The following TTBK2 variants were observed in gnomAD, a reference collection of about 807,000 sequenced individuals.
The protein encoded by TTBK2 is tau tubulin kinase 2.
TTBK2 carries 28 observed loss-of-function variants against 110.8 expected under a neutral mutation model. The ratio of observed to expected loss-of-function variants is 0.25; its 90% CI spans 0.19 to 0.35. TTBK2 has a LOEUF of 0.35. Among genes scored for constraint, TTBK2 ranks in the 10% least tolerant of loss-of-function variants. The probability of loss-of-function intolerance (pLI) is 1.00; values close to 1 mark genes in which losing one functional copy is unlikely to be tolerated. For missense variants in TTBK2, 1,369 were observed against 1,500.3 expected, an observed-to-expected ratio of 0.91 and a Z score of 1.45; for synonymous variants, 532 against 527.3, an observed-to-expected ratio of 1.01 and a Z score of -0.12.
At position 42,743,965 on chromosome 15, in the gene TTBK2, A is replaced by T. The variant is rs928616607; in HGVS notation, c.*1830T>A. The stretch of plus-strand genomic sequence containing the variant: ...GAATGACAAAGAATGACTCTATATA[A>T]GGATATGTCTCTCTATATATTTATA... On this transcript the variant is annotated 3_prime_UTR_variant, in exon 15 of 15. Coordinates refer to ENST00000267890, the MANE Select transcript of TTBK2 (RefSeq NM_173500.4). The T allele has an allele frequency of 6.7e-6, 1 of 148,974 alleles. No homozygotes were observed. The highest frequency in any genetic ancestry group is 1.5e-5 in the Non-Finnish European group (1 of 66,092). The allele number at this position is 148,974 out of a possible 1,614,324, so 9.2% of individuals were successfully genotyped here.
At chr15:42,771,094 C>T (rs1889650716) in intron 13 of TTBK2, among the ~76,000 whole-genome samples, 2 of 151,998 alleles carry the variant, frequency 1.3e-5, no homozygotes, top group Non-Finnish European at 2.9e-5. Context: ...TCTGCCTCAG[C>T]CTCCGGAGTA....
chr15:42,912,535 C>T (rs1176972456), intron 1 of TTBK2, among the ~76,000 whole-genome samples: 3 of 151,814 alleles, frequency 2.0e-5, no homozygotes, highest in Admixed American at 1.3e-4. Context: ...ATGATGAAAC[C>T]CCATCTCTAC....
At chr15:42,846,934 A>G (rs1208279134) in intron 3 of TTBK2, among the ~76,000 whole-genome samples, 1 of 152,196 alleles carries the variant, frequency 6.6e-6, no homozygotes, top group African/African-American at 2.4e-5. Context: ...CAGAGAGGGC[A>G]CAGAAGCTCC....
chr15:42,777,962 T>A (rs1209795801), intron 11 of TTBK2, among the ~76,000 whole-genome samples: 1 of 151,884 alleles, frequency 6.6e-6, no homozygotes, highest in Non-Finnish European at 1.5e-5. Flanking sequence ...TGAAGGAAAG[T>A]TTCCCCAAAC....
At chr15:42,881,246 GC>G (rs1895030412) in intron 1 of TTBK2, among the ~76,000 whole-genome samples, 1 of 124,214 alleles carries the variant, frequency 8.1e-6, no homozygotes, top group African/African-American at 3.2e-5. Flanking sequence ...TTGTGCCACT[GC>G]ACTCCAGCCT....
intron 6 of TTBK2, among the ~76,000 whole-genome samples, chr15:42,817,971 T>G (rs551259158): frequency 6.6e-6 from 1 of 152,332 alleles, no homozygotes; most frequent in African/African-American, 2.4e-5. Flanking sequence ...CCATCTGTGG[T>G]GCCACTCTAT....
chr15:42,754,372 T>C (rs780247719), intron 13 of TTBK2, among the ~76,000 whole-genome samples: 4 of 151,936 alleles, frequency 2.6e-5, no homozygotes, highest in Admixed American at 6.6e-5. Flanking sequence ...TAAGCCACCA[T>C]ACCTGGCCAA....
chr15:42,765,574 A>C (rs550909103), intron 13 of TTBK2, among the ~76,000 whole-genome samples: 1 of 152,366 alleles, frequency 6.6e-6, no homozygotes, highest in African/African-American at 2.4e-5. Flanking sequence ...GAGAAAAAAG[A>C]GTAAAAAGAA....
chr15:42,824,975 G>A (rs79290847), intron 6 of TTBK2, among the ~76,000 whole-genome samples: 1,828 of 152,100 alleles, frequency 0.012, 34 homozygotes, highest in African/African-American at 0.041. Context: ...GGCCAGGTAC[G>A]GTGGCTCACA....
At chr15:42,886,173 G>C (rs1217454542) in intron 1 of TTBK2, among the ~76,000 whole-genome samples, 1 of 151,888 alleles carries the variant, frequency 6.6e-6, no homozygotes, top group African/African-American at 2.4e-5. Context: ...GGACTCATCT[G>C]ACCTCTCCCC....
chr15:42,893,742 T>A (rs1487696687), intron 1 of TTBK2, among the ~76,000 whole-genome samples: 1 of 151,366 alleles, frequency 6.6e-6, no homozygotes, highest in Non-Finnish European at 1.5e-5. Context: ...TTAGGAAATC[T>A]GGGAAAAAAG....
chr15:42,812,270 G>A (rs904759288), intron 7 of TTBK2, among the ~76,000 whole-genome samples: 2 of 151,934 alleles, frequency 1.3e-5, no homozygotes, highest in African/African-American at 4.8e-5. Flanking sequence ...CCCTAAAAGG[G>A]TTACATCCGT....
At chr15:42,831,393 A>G (rs1892753406) in intron 4 of TTBK2, among the ~76,000 whole-genome samples, 1 of 152,110 alleles carries the variant, frequency 6.6e-6, no homozygotes, top group African/African-American at 2.4e-5. Flanking sequence ...TGTGTGGTAC[A>G]CAACAGGTAC....
intron 4 of TTBK2, among the ~76,000 whole-genome samples, chr15:42,834,775 G>T (rs796403784): frequency 1.3e-5 from 2 of 152,264 alleles, no homozygotes; most frequent in African/African-American, 4.8e-5. Context: ...TACTTGGGAG[G>T]TTGAGGCAGG....
chr15:42,849,837 G>A (rs537513729), intron 3 of TTBK2, among the ~76,000 whole-genome samples: 2 of 152,234 alleles, frequency 1.3e-5, no homozygotes, highest in Admixed American at 6.5e-5. Flanking sequence ...CAGATTGGAG[G>A]TCAGCTCAGG....
intron 3 of TTBK2, among the ~76,000 whole-genome samples, chr15:42,853,543 A>C (rs1893805448): frequency 6.6e-6 from 1 of 152,220 alleles, no homozygotes; most frequent in Non-Finnish European, 1.5e-5. Context: ...GAAAAAACAG[A>C]AAAACATCAG....
intron 1 of TTBK2, among the ~76,000 whole-genome samples, chr15:42,917,621 T>C (rs1462952507): frequency 6.6e-6 from 1 of 151,828 alleles, no homozygotes; most frequent in East Asian, 1.9e-4. Flanking sequence ...TAAAAGGTTC[T>C]ATCCACTGAA....
chr15:42,741,627 A>C lies in TTBK2; in HGVS notation c.*4168T>G, dbSNP rs1036665831. ...TGAATGCAAACAACTTAATTCCAAA[A>C]TACATAAACATGACAGAAGAAGTGG... On this transcript the variant is annotated 3_prime_UTR_variant, in exon 15 of 15. Coordinates refer to ENST00000267890, the MANE Select transcript of TTBK2 (RefSeq NM_173500.4). 4 of 152,250 alleles carry C rather than the reference A, an allele frequency of 2.6e-5. No individual in the cohort carries two copies. The highest frequency in any genetic ancestry group is 5.9e-5 in the Non-Finnish European group (4 of 68,048). 9.4% of individuals were successfully genotyped at this position (152,250 alleles called of 1,614,324 possible). A position where few individuals can be genotyped will look rare whatever the true frequency, so the allele number is the denominator to read the frequency against.
chr15:42,885,162 C>G (rs766986672), intron 1 of TTBK2, among the ~76,000 whole-genome samples: 4 of 152,208 alleles, frequency 2.6e-5, no homozygotes, highest in Non-Finnish European at 4.4e-5. Context: ...GTTTGGTGGT[C>G]TCTTCACACA....
Sources: gnomAD v4.1 joint callset for allele counts (sites outside exome capture counted in the v4.1 genomes callset) on GRCh38, gnomAD v4.1.1 for gene constraint, MANE v1.5 for transcripts, NCBI Gene and HGNC (gene_info 2026-07-23, HGNC 2026-07-21) for gene names.